CLDN14: variants seen among roughly 807,000 people sequenced by gnomAD.
The protein encoded by CLDN14 is claudin-14.
A neutral mutation model predicts 2.1 loss-of-function variants in CLDN14; 2 were observed. That is an observed-to-expected ratio of 0.96 (90% CI 0.39 to 3.01). CLDN14 has a LOEUF of 3.01. Ranked by LOEUF, CLDN14 falls within the 30% of genes most tolerant of loss-of-function variation. CLDN14 has a pLI of 0.09. For missense variants in CLDN14, 298 were observed against 328.0 expected, an observed-to-expected ratio of 0.91 and a Z score of 0.71; for synonymous variants, 136 against 154.4, an observed-to-expected ratio of 0.88 and a Z score of 0.88.
intron 2 of CLDN14, chr21:36,485,930 TCTGCGTC>T: frequency 9.4e-7 from 1 of 1,059,040 alleles, no homozygotes; most frequent in Non-Finnish European, 1.4e-6. Flanking sequence ...CCCTATATTC[TCTGCGTC>T]CCATGCAGTC....
chr21:36,557,738 C>T (rs926463538), intron 1 of CLDN14, among the ~76,000 whole-genome samples: 12 of 152,162 alleles, frequency 7.9e-5, no homozygotes, highest in African/African-American at 2.9e-4. Context: ...TCTACGTTAT[C>T]TTTTTACTCT....
At chr21:36,523,781 G>GAGAGAGAGAGAGAGAAAGAAAGAA (rs1568868851) in intron 1 of CLDN14, among the ~76,000 whole-genome samples, 2 of 38,380 alleles carry the variant, frequency 5.2e-5, no homozygotes, top group African/African-American at 7.3e-5. Flanking sequence ...GAGAGAAAGA[G>GAGAGAGAGAGAGAGAAAGAAAGAA]AGAAAGAAAG....
At position 36,544,772 on chromosome 21, in the gene CLDN14, G is replaced by T. The variant is rs1313356929; in HGVS notation, c.-220+31639C>A. On this transcript the variant is annotated intron_variant, in intron 1 of 2. Transcript: ENST00000342108. The surrounding 1 kb of genome is among the most constrained non-coding windows in gnomAD (Gnocchi z 4.1). ...ATCACGCTGAAATATGATGACAGGG[G>T]CAAGACTGCAAGGACATCCGCGAAG... Among the ~76,000 whole-genome samples the T allele has an allele frequency of 6.6e-6, 1 of 152,218 alleles. No individual in the cohort carries two copies. The highest frequency in any genetic ancestry group is 2.4e-5 in the African/African-American group (1 of 41,452).
chr21:36,490,159 C>T (rs1171316211), intron 2 of CLDN14, among the ~76,000 whole-genome samples: 1 of 152,180 alleles, frequency 6.6e-6, no homozygotes, highest in Non-Finnish European at 1.5e-5. Context: ...CAGATCCCCT[C>T]CCAAAGGGAG....
At chr21:36,528,420 C>T (rs1400684969) in intron 1 of CLDN14, among the ~76,000 whole-genome samples, 1 of 152,204 alleles carries the variant, frequency 6.6e-6, no homozygotes, top group African/African-American at 2.4e-5. Flanking sequence ...CCAAGCTGTT[C>T]ACCTCTGTTC....
intron 2 of CLDN14, among the ~76,000 whole-genome samples, chr21:36,490,704 T>G (rs78013211): frequency 0.022 from 3,349 of 152,062 alleles, 57 homozygotes; most frequent in Admixed American, 0.052. Context: ...ATTTCTTTAC[T>G]TATAATTTTT....
chr21:36,543,521 T>G (rs562936722), intron 1 of CLDN14, among the ~76,000 whole-genome samples: 2 of 152,252 alleles, frequency 1.3e-5, no homozygotes, highest in Non-Finnish European at 2.9e-5. Flanking sequence ...TTAATAAGTA[T>G]GTTATCATTT....
intron 1 of CLDN14, among the ~76,000 whole-genome samples, chr21:36,470,371 G>C (rs1000403948): frequency 2.6e-5 from 4 of 152,216 alleles, no homozygotes; most frequent in Admixed American, 6.5e-5. Context: ...GAGATAGAAA[G>C]AACATGTGCA....
intron 1 of CLDN14, among the ~76,000 whole-genome samples, chr21:36,557,169 T>C (rs1258741450): frequency 6.6e-6 from 1 of 152,248 alleles, no homozygotes; most frequent in Non-Finnish European, 1.5e-5. Context: ...TGTATATACA[T>C]TGTCTTTATC....
intron 1 of CLDN14, among the ~76,000 whole-genome samples, chr21:36,516,826 A>C (rs578012647): frequency 6.6e-6 from 1 of 152,196 alleles, no homozygotes; most frequent in South Asian, 2.1e-4. Context: ...ATGGTTTTAC[A>C]TTTTATTTTA....
At chr21:36,504,440 T>C (rs751183321) in intron 2 of CLDN14, among the ~76,000 whole-genome samples, 1 of 152,212 alleles carries the variant, frequency 6.6e-6, no homozygotes, top group Non-Finnish European at 1.5e-5. Context: ...TGTGACCTGC[T>C]ACTTCAGGTT....
chr21:36,503,512 A>G, intron 2 of CLDN14, among the ~76,000 whole-genome samples: 1 of 152,190 alleles, frequency 6.6e-6, no homozygotes, highest in East Asian at 1.9e-4. Flanking sequence ...TTTCCCTCAC[A>G]AGCTCTCTCT....
chr21:36,489,117 G>GAAAAAAAAAAAA (rs869298653), intron 2 of CLDN14, among the ~76,000 whole-genome samples: 7 of 56,998 alleles, frequency 1.2e-4, no homozygotes, highest in Non-Finnish European at 9.1e-5. Flanking sequence ...CTGTCTCAAA[G>GAAAAAAAAAAAA]AAAAAAAAAA....
At chr21:36,548,699 C>A (rs1017926266) in intron 1 of CLDN14, among the ~76,000 whole-genome samples, 38 of 152,190 alleles carry the variant, frequency 2.5e-4, no homozygotes, top group African/African-American at 8.9e-4. Flanking sequence ...GTAAGGCTGA[C>A]TTCCTTGGTG....
chr21:36,485,185 A>G (rs565615947), intron 2 of CLDN14, among the ~76,000 whole-genome samples: 15 of 151,196 alleles, frequency 9.9e-5, no homozygotes, highest in Non-Finnish European at 1.6e-4. Flanking sequence ...CACTATTTCT[A>G]TGACTTGGAG....
chr21:36,537,152 T>C (rs1432783816), intron 1 of CLDN14, among the ~76,000 whole-genome samples: 4 of 151,974 alleles, frequency 2.6e-5, no homozygotes, highest in Non-Finnish European at 4.4e-5. Context: ...GATGGCGCCA[T>C]TGCACTCCAG....
chr21:36,500,693 A>G (rs546183396), intron 2 of CLDN14, among the ~76,000 whole-genome samples: 1 of 152,162 alleles, frequency 6.6e-6, no homozygotes, highest in African/African-American at 2.4e-5. Flanking sequence ...CGGCCTCCCA[A>G]AGTGCTGGGA....
chr21:36,513,518 T>A (rs2087201266), intron 1 of CLDN14, among the ~76,000 whole-genome samples: 2 of 152,184 alleles, frequency 1.3e-5, no homozygotes, highest in Non-Finnish European at 2.9e-5. Context: ...TAAAGCCAGC[T>A]GAGGTGGGGA....
At chr21:36,556,070 G>A (rs1307915056) in intron 1 of CLDN14, among the ~76,000 whole-genome samples, 1 of 152,106 alleles carries the variant, frequency 6.6e-6, no homozygotes, top group Non-Finnish European at 1.5e-5. Context: ...GCTATTGGTG[G>A]TCGGTGACTA....
Sources: gnomAD v4.1 joint callset for allele counts (sites outside exome capture counted in the v4.1 genomes callset) on GRCh38, gnomAD v4.1.1 for gene constraint, Gnocchi (gnomAD v3.1) non-coding constraint, MANE v1.5 for transcripts, NCBI Gene and HGNC (gene_info 2026-07-23, HGNC 2026-07-21) for gene names.